The following SETX variants were observed in gnomAD, a reference collection of about 807,000 sequenced individuals.
SETX encodes the protein helicase senataxin.
SETX carries 90 observed loss-of-function variants against 227.2 expected under a neutral mutation model. The observed-to-expected ratio is 0.40, with a 90% CI of 0.33 to 0.47. The LOEUF (loss-of-function observed/expected upper bound fraction) is 0.47, where lower values mean the gene tolerates loss of function less well. Among genes scored for constraint, SETX ranks in the 20% least tolerant of loss-of-function variants. SETX has a pLI of 0.91. For missense variants in SETX, 3,052 were observed against 3,181.5 expected, an observed-to-expected ratio of 0.96 and a Z score of 0.98; for synonymous variants, 1,210 against 1,113.2, an observed-to-expected ratio of 1.09 and a Z score of -1.73.
Position 132,349,276 on chromosome 9 carries a change from T to C in SETX, c.153A>G (p.Arg51=). ...CCTCATGCAAGAATGGCAATTCATC[T>C]CTTGCTTTGTGGTACTCAGCCACAC... The part of the protein sequence containing the change: ...LECVAEYHKA[R]DELPFLHEVL... Residue 51 remains arginine (R), a synonymous_variant, in exon 3 of 26, where the codon AGA becomes AGG. Transcript: ENST00000224140. 1 of 1,614,110 alleles carries C rather than the reference T, an allele frequency of 6.2e-7. No individual in the cohort carries two copies. The highest frequency in any genetic ancestry group is 1.1e-5 in the South Asian group (1 of 91,086).
intron 2 of SETX, among the ~76,000 whole-genome samples, chr9:132,350,570 T>G (rs1848548813): frequency 6.6e-6 from 1 of 152,220 alleles, no homozygotes. Flanking sequence ...TTAAAATTCT[T>G]TAATTTCTTC....
At position 132,264,218 on chromosome 9, in the gene SETX, G is replaced by C. The variant is rs761212385; in HGVS notation, c.*21C>G. On this transcript the variant is annotated 3_prime_UTR_variant, in exon 26 of 26. Coordinates refer to ENST00000224140, the MANE Select transcript of SETX (RefSeq NM_015046.7). Reference sequence around the variant, plus strand: ...CAGTTTACAATATGCTGTGGCTGCTGGCCCATGTCACTGGGCTTTCCTATA... The same window carrying C: ...CAGTTTACAATATGCTGTGGCTGCTCGCCCATGTCACTGGGCTTTCCTATA... The C allele has an allele frequency of 6.2e-7, 1 of 1,613,514 alleles. No individual in the cohort carries two copies. Among genetic ancestry groups the C allele is most frequent in the Non-Finnish European group, 8.5e-7 (1 of 1,180,000 alleles).
chr9:132,327,521 TTG>T lies in SETX; in HGVS notation c.4075_4076del (p.Gln1359LysfsTer3). 6.2e-7 allele frequency: 1 copy of T among 1,614,090 alleles called. No individual in the cohort carries two copies. The highest frequency in any genetic ancestry group is 8.5e-7 in the Non-Finnish European group (1 of 1,180,032). On this transcript the variant is annotated frameshift_variant, in exon 10 of 26. Coordinates refer to ENST00000224140, the MANE Select transcript of SETX (RefSeq NM_015046.7). LOFTEE classifies it high-confidence loss of function. ...QMQRQIRPKS[Q>X]KNRRRLSDCE... is the part of the protein sequence containing the mutation. Reference sequence around the variant, plus strand: ...AATCAGAAAGTCTTCGTCTATTTTTTTGTGATTTGGGTCTGATCTGCCTTTGC... The same window carrying T: ...AATCAGAAAGTCTTCGTCTATTTTTTTGATTTGGGTCTGATCTGCCTTTGC...
chr9:132,305,223 G>A (rs1219503872), intron 11 of SETX, among the ~76,000 whole-genome samples: 19 of 150,806 alleles, frequency 1.3e-4, no homozygotes, highest in Non-Finnish European at 2.2e-4. Context: ...GCATGGTGGC[G>A]GCCGCCTGTA....
At chr9:132,341,949 T>C (rs1848000644) in intron 5 of SETX, among the ~76,000 whole-genome samples, 1 of 152,222 alleles carries the variant, frequency 6.6e-6, no homozygotes, top group East Asian at 1.9e-4. Flanking sequence ...ATTTCCTCCT[T>C]TTGCTTTTTT....
intron 3 of SETX, among the ~76,000 whole-genome samples, chr9:132,348,660 G>T (rs1848444007): frequency 6.6e-6 from 1 of 152,096 alleles, no homozygotes; most frequent in African/African-American, 2.4e-5. Context: ...AGGCATGGTG[G>T]CTCATGCCTG....
At chr9:132,281,895 G>A (rs1234438149) in intron 19 of SETX, among the ~76,000 whole-genome samples, 2 of 151,846 alleles carry the variant, frequency 1.3e-5, no homozygotes, top group East Asian at 1.9e-4. Context: ...GGTGGCAAGT[G>A]CCTGTAATCC....
chr9:132,274,226 T>C (rs1256410161), intron 23 of SETX, among the ~76,000 whole-genome samples: 1 of 152,196 alleles, frequency 6.6e-6, no homozygotes, highest in African/African-American at 2.4e-5. Context: ...GATTTGGATC[T>C]GTAGTTTTCT....
Position 132,330,515 on chromosome 9 carries a change from T to A in SETX, c.1099-16A>T, listed in dbSNP as rs756098383. 6.8e-6 allele frequency: 11 copies of A among 1,606,436 alleles called. No homozygotes were observed. Among genetic ancestry groups the A allele is most frequent in the Non-Finnish European group, 9.3e-6 (11 of 1,177,018 alleles). ...ATCCAGAATCCTAAAATGAAAGAAA[T>A]GCTGATGTTCAGATAAATAAGCACC... is the stretch of plus-strand genomic sequence containing the variant. On this transcript the variant is annotated splice_polypyrimidine_tract_variant and intron_variant, in intron 9 of 25. Transcript: ENST00000224140.
intron 7 of SETX, among the ~76,000 whole-genome samples, chr9:132,333,422 C>A (rs369361709): frequency 3.3e-5 from 3 of 90,114 alleles, no homozygotes; most frequent in South Asian, 3.5e-4. Flanking sequence ...TATATACACA[C>A]ACACACACAC....
At position 132,328,580 on chromosome 9, in the gene SETX, T is replaced by C. The variant is rs997364371; in HGVS notation, c.3018A>G (p.Gly1006=). ...TAATAACCTGTCCACGGGAGGTATCTCCAACATTATTTTGGTTAGCTGTGA... is the reference window on the plus strand; with the variant it reads ...TAATAACCTGTCCACGGGAGGTATCCCCAACATTATTTTGGTTAGCTGTGA... ...RCFTANQNNV[G]DTSRGQVIII... The change falls in exon 10 of 26, where the codon GGA becomes GGG. Residue 1006 remains glycine (G), a synonymous_variant. Coordinates refer to ENST00000224140, the MANE Select transcript of SETX (RefSeq NM_015046.7). The C allele has an allele frequency of 6.2e-7, 1 of 1,613,570 alleles. No individual in the cohort carries two copies. Among genetic ancestry groups the C allele is most frequent in the Non-Finnish European group, 8.5e-7 (1 of 1,179,898 alleles).
rs1302789883 is a variant in SETX at position 132,264,492 on chromosome 9, A to C, written c.7781T>G (p.Val2594Gly). 6.2e-7 allele frequency: 1 copy of C among 1,613,848 alleles called. No homozygotes were observed. The highest frequency in any genetic ancestry group is 8.5e-7 in the Non-Finnish European group (1 of 1,179,890). The change falls in exon 26 of 26, where the codon GTG becomes GGG. Residue 2594 changes from valine to glycine, a missense_variant. Transcript: ENST00000224140. ...LSHIQQPAAV[V>G]AALSSHKPPV... ...AGGTTTGTGGCTGCTCAGAGCAGCC[A>C]CTACAGCAGCGGGCTGCTGTATATG... is the stretch of plus-strand genomic sequence containing the variant.
Position 132,343,766 on chromosome 9 carries a change from A to G in SETX, c.389-967T>C, listed in dbSNP as rs142523975. Among the ~76,000 whole-genome samples the G allele has an allele frequency of 8.3e-4, 127 of 152,332 alleles. 1 individual carries two copies. Among genetic ancestry groups the G allele is most frequent in the African/African-American group, 3.1e-3 (127 of 41,578 alleles). ...CTACACAAATCTGTTTGACTTGCAAAAAAACATCAGGCTTATATACTTTTA... is the reference window on the plus strand; with the variant it reads ...CTACACAAATCTGTTTGACTTGCAAGAAAACATCAGGCTTATATACTTTTA... On this transcript the variant is annotated intron_variant, in intron 4 of 25. Coordinates refer to ENST00000224140, the MANE Select transcript of SETX (RefSeq NM_015046.7).
At chr9:132,340,081 TAC>T (rs1285093396) in intron 5 of SETX, among the ~76,000 whole-genome samples, 41 of 152,334 alleles carry the variant, frequency 2.7e-4, no homozygotes, top group African/African-American at 9.4e-4. Context: ...GGTCTTCTAA[TAC>T]AGTCACTCAT....
At chr9:132,291,421 C>T (rs2131262537) in intron 15 of SETX, among the ~76,000 whole-genome samples, 1 of 152,176 alleles carries the variant, frequency 6.6e-6, no homozygotes, top group African/African-American at 2.4e-5. Flanking sequence ...CTGCCTTGGC[C>T]TCCCAAAGTG....
chr9:132,326,966 C>G lies in SETX; in HGVS notation c.4632G>C (p.Leu1544Phe). ...CTTTGTACTTACACTTTGTGCCACT[C>G]AAAGATTCCAACTGAGGCCGACTTA... Reference protein sequence around the residue: ...DSVSRPQLESLSGTKCKYKDC... With the variant: ...DSVSRPQLESFSGTKCKYKDC... The change falls in exon 10 of 26, where the codon TTG becomes TTC. Residue 1544 changes from leucine to phenylalanine, a missense_variant. Around this residue, in one of 10 missense-constraint regions of SETX, gnomAD observed 1,483 missense variants for 1,312.0 expected, o/e 1.13. Transcript: ENST00000224140. 6.2e-7 allele frequency: 1 copy of G among 1,614,166 alleles called. No individual in the cohort carries two copies. Among genetic ancestry groups the G allele is most frequent in the Non-Finnish European group, 8.5e-7 (1 of 1,180,036 alleles).
chr9:132,296,791 A>G, intron 14 of SETX, 96 bp downstream of exon 14: 1 of 1,112,988 alleles, frequency 9.0e-7, no homozygotes, highest in South Asian at 1.3e-5. Flanking sequence ...ATCAAAGAGG[A>G]AATGGCATGT....
chr9:132,306,304 T>C (rs1845331891), intron 11 of SETX, among the ~76,000 whole-genome samples: 1 of 152,186 alleles, frequency 6.6e-6, no homozygotes, highest in Non-Finnish European at 1.5e-5. Flanking sequence ...CCTCTGCCTC[T>C]TGCGTTCAAG....
chr9:132,335,197 T>C (rs577407834), intron 6 of SETX, among the ~76,000 whole-genome samples: 186 of 151,902 alleles, frequency 1.2e-3, no homozygotes, highest in East Asian at 5.5e-3. Flanking sequence ...GAGACCATCC[T>C]GGCTAACATG....
Sources: gnomAD v4.1 joint callset for allele counts (sites outside exome capture counted in the v4.1 genomes callset) on GRCh38, gnomAD v4.1.1 for gene constraint, gnomAD v4.1.1 regional missense constraint, MANE v1.5 for transcripts, NCBI Gene and HGNC (gene_info 2026-07-23, HGNC 2026-07-21) for gene names.